SLC37A1: variants seen among roughly 807,000 people sequenced by gnomAD.
SLC37A1 encodes the protein solute carrier family 37 member 1.
SLC37A1 carries 49 observed loss-of-function variants against 75.3 expected under a neutral mutation model. That is an observed-to-expected ratio of 0.65 (90% confidence interval 0.52 to 0.83). The LOEUF (loss-of-function observed/expected upper bound fraction) is 0.83. Among genes scored for constraint, SLC37A1 ranks in the 40% least tolerant of loss-of-function variants. SLC37A1 has a pLI of 0.00. For missense variants in SLC37A1, 566 were observed against 695.0 expected, an observed-to-expected ratio of 0.81 and a Z score of 2.09; for synonymous variants, 268 against 292.1, an observed-to-expected ratio of 0.92 and a Z score of 0.84.
In SLC37A1 at chr21:42,543,520, CA is replaced by C; in HGVS notation, c.649del (p.Thr217HisfsTer19). The C allele has an allele frequency of 1.2e-6, 2 of 1,614,108 alleles. No homozygotes were observed. The highest frequency in any genetic ancestry group is 1.7e-6 in the Non-Finnish European group (2 of 1,180,000). ...GSLIAGYWVS[T>X]CWGLSFVVPG... is the part of the protein sequence containing the mutation. ...CATTGATCGCTGGCTACTGGGTGTCCACATGCTGGGGCCTGTCCTTCGTCGT... is the reference window on the plus strand; with the variant it reads ...CATTGATCGCTGGCTACTGGGTGTCCCATGCTGGGGCCTGTCCTTCGTCGT... On this transcript the variant is annotated frameshift_variant, in exon 8 of 20. Transcript: ENST00000352133. LOFTEE classifies it high-confidence loss of function.
At chr21:42,565,939 G>T in intron 15 of SLC37A1, 64 bp downstream of exon 15, 1 of 1,512,426 alleles carries the variant, frequency 6.6e-7, no homozygotes. Flanking sequence ...CAGCTGGCAA[G>T]ATGAAATACT....
At chr21:42,525,571 C>A (rs117072987) in intron 2 of SLC37A1, among the ~76,000 whole-genome samples, 1,696 of 152,336 alleles carry the variant, frequency 0.011, 23 homozygotes, top group Middle Eastern at 0.02. Flanking sequence ...CTGTCTCTTA[C>A]AGTGTTCAGT....
intron 1 of SLC37A1, among the ~76,000 whole-genome samples, chr21:42,502,022 A>G (rs2043285319): frequency 6.6e-6 from 1 of 152,242 alleles, no homozygotes; most frequent in Non-Finnish European, 1.5e-5. Flanking sequence ...ACTTACAGGA[A>G]GGTCATGATC....
chr21:42,578,082 C>G (rs2056344457), intron 18 of SLC37A1, among the ~76,000 whole-genome samples: 1 of 152,206 alleles, frequency 6.6e-6, no homozygotes, highest in Non-Finnish European at 1.5e-5. Flanking sequence ...TATCTTTTCA[C>G]CAAAATAGAC....
At chr21:42,503,772 A>G (rs2054361497) in intron 2 of SLC37A1, among the ~76,000 whole-genome samples, 1 of 152,212 alleles carries the variant, frequency 6.6e-6, no homozygotes, top group African/African-American at 2.4e-5. Context: ...GTTGTGGAGC[A>G]AATACAGTTA....
intron 5 of SLC37A1, among the ~76,000 whole-genome samples, chr21:42,538,123 A>G (rs1362199082): frequency 6.6e-6 from 1 of 152,268 alleles, no homozygotes; most frequent in African/African-American, 2.4e-5. Flanking sequence ...TTCTAAGCCT[A>G]GCCAGCAGCA....
chr21:42,512,212 G>T (rs575797865), upstream of SLC37A1, among the ~76,000 whole-genome samples: 37 of 111,416 alleles, frequency 3.3e-4, 1 homozygote, highest in South Asian at 0.011. Context: ...TTATACGTCA[G>T]TACAACTGGG....
intron 3 of SLC37A1, among the ~76,000 whole-genome samples, chr21:42,531,390 G>A (rs778527410): frequency 3.3e-5 from 5 of 150,772 alleles, no homozygotes; most frequent in South Asian, 2.1e-4. Flanking sequence ...CGTGACGCCC[G>A]CGTCTTCACA....
chr21:42,526,485 C>A (rs1173007204), intron 3 of SLC37A1, among the ~76,000 whole-genome samples: 1 of 152,204 alleles, frequency 6.6e-6, no homozygotes, highest in African/African-American at 2.4e-5. Flanking sequence ...CATCCACTGC[C>A]AGAGACAGTG....
At chr21:42,537,313 C>T (rs890511481) in intron 5 of SLC37A1, among the ~76,000 whole-genome samples, 1 of 152,194 alleles carries the variant, frequency 6.6e-6, no homozygotes, top group Non-Finnish European at 1.5e-5. Context: ...CCTGGGGCTT[C>T]CTTAGCGCTT....
chr21:42,543,509 T>C lies in SLC37A1; in HGVS notation c.637T>C (p.Tyr213His). Residue 213 changes from tyrosine to histidine, a missense_variant, in exon 8 of 20, where the codon TAC becomes CAC. Tyr to His is a moderately conservative substitution (Grantham distance 83). Coordinates refer to ENST00000352133, the MANE Select transcript of SLC37A1 (RefSeq NM_001320537.2). ...CATCTTGGGGTCATTGATCGCTGGC[T>C]ACTGGGTGTCCACATGCTGGGGCCT... ...GNILGSLIAG[Y>H]WVSTCWGLSF... 6.2e-7 allele frequency: 1 copy of C among 1,614,202 alleles called. No homozygotes were observed. Among genetic ancestry groups the C allele is most frequent in the Non-Finnish European group, 8.5e-7 (1 of 1,180,014 alleles).
At chr21:42,516,386 A>G (rs12482057) in intron 1 of SLC37A1, among the ~76,000 whole-genome samples, 29,627 of 152,036 alleles carry the variant, frequency 0.19, 3,264 homozygotes, top group South Asian at 0.29. Flanking sequence ...TGTGAAAAGA[A>G]CGCCCTGCCT....
chr21:42,567,044 G>A lies in SLC37A1; in HGVS notation c.1330G>A (p.Val444Ile), dbSNP rs779432325. 7.4e-5 allele frequency: 119 copies of A among 1,609,200 alleles called. 1 individual carries two copies. In the South Asian group the frequency reaches 1.1e-3, roughly 14 times the overall value. Reference protein sequence around the residue: ...SGPYTLITTAVSADLGTHKSL... With the variant: ...SGPYTLITTAISADLGTHKSL... ...GCCCTACACACTCATCACCACCGCCGTCTCCGCCGACCTGGTGAGTAGAAC... is the reference window on the plus strand; with the variant it reads ...GCCCTACACACTCATCACCACCGCCATCTCCGCCGACCTGGTGAGTAGAAC... Residue 444 changes from valine (V) to isoleucine (I), a missense_variant, in exon 16 of 20, where the codon GTC becomes ATC. Coordinates refer to ENST00000352133, the MANE Select transcript of SLC37A1 (RefSeq NM_001320537.2).
intron 2 of SLC37A1, among the ~76,000 whole-genome samples, chr21:42,518,713 A>G (rs910140340): frequency 6.6e-6 from 1 of 152,174 alleles, no homozygotes; most frequent in Non-Finnish European, 1.5e-5. Flanking sequence ...TGGTACTGGC[A>G]TTGTCAGATA....
chr21:42,568,317 A>G (rs2056032946), intron 16 of SLC37A1, 43 bp from the exon 17 acceptor site: 1 of 1,518,790 alleles, frequency 6.6e-7, no homozygotes, highest in African/African-American at 1.4e-5. Context: ...TTTACTTCTC[A>G]TGCTGTGGCG....
chr21:42,513,280 G>A (rs2054458506), upstream of SLC37A1, among the ~76,000 whole-genome samples: 1 of 152,238 alleles, frequency 6.6e-6, no homozygotes, highest in African/African-American at 2.4e-5. Flanking sequence ...GCGGGCTCCC[G>A]CAGCCTAACA....
At chr21:42,526,062 T>C (rs1181556798) in intron 3 of SLC37A1, 1 of 509,412 alleles carries the variant, frequency 2.0e-6, no homozygotes, top group Non-Finnish European at 3.5e-6. Flanking sequence ...CTTTCAGAGG[T>C]AGTAGACTTT....
chr21:42,539,721 C>T lies in SLC37A1; in HGVS notation c.486+74C>T, dbSNP rs932853636. ...ATAGGGTGGAGTGTTTATGTCACGTCACCTCTGTCAAGGTGTTGGGAAGGG... is the reference window on the plus strand; with the variant it reads ...ATAGGGTGGAGTGTTTATGTCACGTTACCTCTGTCAAGGTGTTGGGAAGGG... On this transcript the variant is annotated intron_variant, in intron 6 of 19. Transcript: ENST00000352133. The T allele has an allele frequency of 3.4e-6, 5 of 1,462,708 alleles. No individual in the cohort carries two copies. The African/African-American group carries it at 7.2e-5, about 21-fold the overall frequency. 90.6% of individuals were successfully genotyped at this position (1,462,708 alleles called of 1,614,324 possible). A position where few individuals can be genotyped will look rare whatever the true frequency, so the allele number is the denominator to read the frequency against.
intron 17 of SLC37A1, among the ~76,000 whole-genome samples, chr21:42,571,944 C>T (rs560391932): frequency 6.6e-6 from 1 of 152,248 alleles, no homozygotes; most frequent in East Asian, 1.9e-4. Context: ...CACCTGTCAC[C>T]ACGGTGCTGG....
Sources: gnomAD v4.1 joint callset for allele counts (sites outside exome capture counted in the v4.1 genomes callset) on GRCh38, gnomAD v4.1.1 for gene constraint, MANE v1.5 for transcripts, NCBI Gene and HGNC (gene_info 2026-07-23, HGNC 2026-07-21) for gene names.